Variants in IQCH observed in about 807,000 individuals in gnomAD.
IQCH encodes IQ domain-containing protein H.
Under a neutral mutation model 117.0 loss-of-function variants are expected in IQCH, and 98 were observed. The observed-to-expected ratio is 0.84, with a 90% CI of 0.71 to 0.99. The LOEUF is 0.99. Ranked by LOEUF, IQCH falls within the 50% of genes least tolerant of loss-of-function variation. The pLI is 0.00. For missense variants in IQCH, 1,102 were observed against 1,243.8 expected (o/e 0.89, Z 1.72); for synonymous variants, 412 against 448.2 (o/e 0.92, Z 1.02).
chr15:67,357,954 G>A (rs974803582), intron 7 of IQCH, among the ~76,000 whole-genome samples: 3 of 151,502 alleles, frequency 2.0e-5, no homozygotes, highest in Non-Finnish European at 4.4e-5. Context: ...TGCCTCCTGG[G>A]TTCAAGCGAT....
Position 67,381,593 on chromosome 15 carries a change from T to C in IQCH, c.1373-3343T>C, listed in dbSNP as rs1197064924. On this transcript the variant is annotated intron_variant, in intron 10 of 20. Transcript: ENST00000335894. The surrounding 1 kb of genome is among the most constrained non-coding windows in gnomAD (Gnocchi z 5.1). ...GCTACAAATCCCACTTACCATTCTT[T>C]GAATTCTCCAGAAGTTCTCCAGCTT... Among the ~76,000 whole-genome samples, 2 of 152,168 alleles carry C rather than the reference T, an allele frequency of 1.3e-5. No homozygotes were observed. The highest frequency in any genetic ancestry group is 4.8e-5 in the African/African-American group (2 of 41,432).
chr15:67,478,271 GCTAC>G (rs763569777), intron 18 of IQCH, among the ~76,000 whole-genome samples: 85 of 152,212 alleles, frequency 5.6e-4, no homozygotes, highest in Non-Finnish European at 1.1e-3. Flanking sequence ...TATAATCCCA[GCTAC>G]TCAGGAGGCT....
intron 1 of IQCH, 128 bp downstream of exon 1, chr15:67,255,075 AGGC>A: frequency 1.1e-6 from 1 of 927,906 alleles, no homozygotes; most frequent in Non-Finnish European, 1.7e-6. Flanking sequence ...AACTCGCGAG[AGGC>A]TCCCAAAAAT....
At chr15:67,486,280 C>T (rs772747123) in intron 18 of IQCH, among the ~76,000 whole-genome samples, 13 of 148,568 alleles carry the variant, frequency 8.8e-5, no homozygotes, top group Middle Eastern at 3.7e-3. Context: ...CCTCATGATC[C>T]GCCCGCCTCG....
rs768397828 is a variant in IQCH, at chr15:67,372,345, G to C, written c.988G>C (p.Glu330Gln). 20 of 1,614,046 alleles carry C rather than the reference G, an allele frequency of 1.2e-5. No individual in the cohort carries two copies. The highest frequency in any genetic ancestry group is 1.6e-4 in the Middle Eastern group (1 of 6,062). Residue 330 changes from glutamate (E) to glutamine (Q), a missense_variant, in exon 9 of 21, where the codon GAG becomes CAG. Coordinates refer to ENST00000335894, the MANE Select transcript of IQCH (RefSeq NM_001031715.3). ...GAATAATTTGGTGGCCCTCCTTCCA[G>C]AGTTTGAGCTGACGAATAAACTTAC... ...KGNNLVALLP[E>Q]FELTNKLTRY...
rs149496906 is a variant in IQCH at position 67,464,303 on chromosome 15, G to A, written c.2506-824G>A. On this transcript the variant is annotated intron_variant, in intron 16 of 20. Coordinates refer to ENST00000335894, the MANE Select transcript of IQCH (RefSeq NM_001031715.3). ...TAAGGTTGATCTGCCACAGGAGAGG[G>A]AAGAAGTAACACATGACCTACTTTT... 7.2e-4 allele frequency among the ~76,000 whole-genome samples: 109 copies of A among 152,336 alleles called. 1 individual carries two copies. The highest frequency in any genetic ancestry group is 3.4e-3 in the Middle Eastern group (1 of 294).
chr15:67,303,127 A>G (rs1397838574), intron 4 of IQCH, among the ~76,000 whole-genome samples: 3 of 152,194 alleles, frequency 2.0e-5, no homozygotes, highest in African/African-American at 7.2e-5. Context: ...AAGACACTTA[A>G]TTGAAAGGAA....
At position 67,371,185 on chromosome 15, in the gene IQCH, C is replaced by G. The variant is rs560774381; in HGVS notation, c.754-926C>G. Among the ~76,000 whole-genome samples the G allele has an allele frequency of 2.8e-4, 42 of 152,242 alleles. 2 individuals are homozygous for G. The South Asian group carries it at 8.7e-3, about 32-fold the overall frequency. Reference sequence around the variant, plus strand: ...CTGAAAATCTGTACCCTCCCTCTCCCCCAGCCCCTCCAAGCCATCAGGAAC... The same window carrying G: ...CTGAAAATCTGTACCCTCCCTCTCCGCCAGCCCCTCCAAGCCATCAGGAAC... On this transcript the variant is annotated intron_variant, in intron 8 of 20. Coordinates refer to ENST00000335894, the MANE Select transcript of IQCH (RefSeq NM_001031715.3).
intron 6 of IQCH, among the ~76,000 whole-genome samples, chr15:67,351,920 A>G (rs774788665): frequency 1.2e-4 from 18 of 152,156 alleles, no homozygotes; most frequent in Non-Finnish European, 1.8e-4. Flanking sequence ...AATCATTCTG[A>G]CCATCGTTAT....
At chr15:67,360,213 T>G (rs1970076361) in intron 8 of IQCH, 1 of 313,818 alleles carries the variant, frequency 3.2e-6, no homozygotes, top group African/African-American at 2.2e-5. Flanking sequence ...AAAAGTACAC[T>G]TAAAAAGAAA....
chr15:67,272,920 A>C (rs1965962484), intron 3 of IQCH, among the ~76,000 whole-genome samples: 1 of 152,096 alleles, frequency 6.6e-6, no homozygotes, highest in East Asian at 1.9e-4. Flanking sequence ...ATTCAGTCTT[A>C]TTATTGCTGA....
At chr15:67,304,310 A>T (rs1967195147) in intron 4 of IQCH, 1 of 1,199,292 alleles carries the variant, frequency 8.3e-7, no homozygotes, top group African/African-American at 1.5e-5. Flanking sequence ...TTCATCCAGC[A>T]TGAAAGTTTC....
chr15:67,281,491 G>A (rs955490607), intron 4 of IQCH: 5 of 336,908 alleles, frequency 1.5e-5, no homozygotes, highest in Non-Finnish European at 2.4e-5. Context: ...GGCAAAACAG[G>A]TTATAAGAGG....
intron 16 of IQCH, among the ~76,000 whole-genome samples, chr15:67,434,988 T>G (rs1357563778): frequency 2.0e-4 from 1 of 4,926 alleles, no homozygotes; most frequent in South Asian, 0.014. Flanking sequence ...TGTATCTTTG[T>G]TTTTTTTTTA....
chr15:67,316,930 G>A (rs1038978178), intron 4 of IQCH, among the ~76,000 whole-genome samples: 12 of 152,128 alleles, frequency 7.9e-5, no homozygotes, highest in Non-Finnish European at 1.5e-4. Flanking sequence ...AATGACCAAG[G>A]AATTCAATGA....
Position 67,355,575 on chromosome 15 carries a change from GCAAGTCTCCATCT to G in IQCH, c.638-1766_638-1754del, listed in dbSNP as rs766913461. Among the ~76,000 whole-genome samples the G allele has an allele frequency of 3.7e-4, 56 of 151,118 alleles. 1 individual carries two copies. In the East Asian group the frequency reaches 0.01, roughly 28 times the overall value. On this transcript the variant is annotated intron_variant, in intron 6 of 20. Coordinates refer to ENST00000335894, the MANE Select transcript of IQCH (RefSeq NM_001031715.3). Reference sequence around the variant, plus strand: ...ACTGCACTCCAGCCCGGGCGACAGAGCAAGTCTCCATCTCAAAAAAAAAAAAAAATTAGTAATA... The same window carrying G: ...ACTGCACTCCAGCCCGGGCGACAGAGCAAAAAAAAAAAAAAATTAGTAATA...
At position 67,387,858 on chromosome 15, in the gene IQCH, C is replaced by T. The variant is rs1369810141; in HGVS notation, c.1457-973C>T. Among the ~76,000 whole-genome samples, 3 of 152,164 alleles carry T rather than the reference C, an allele frequency of 2.0e-5. No individual in the cohort carries two copies. The highest frequency in any genetic ancestry group is 2.1e-4 in the South Asian group (1 of 4,828). Reference sequence around the variant, plus strand: ...TGCTCTGTATATATACTCTGCCAAACTGATCAGAGGAGTCTGAAGATCCTC... The same window carrying T: ...TGCTCTGTATATATACTCTGCCAAATTGATCAGAGGAGTCTGAAGATCCTC... On this transcript the variant is annotated intron_variant, in intron 11 of 20. Coordinates refer to ENST00000335894, the MANE Select transcript of IQCH (RefSeq NM_001031715.3). This position sits in a 1 kb window ranked among gnomAD's most constrained non-coding sequence, Gnocchi z 4.8.
chr15:67,448,186 C>A (rs2082433500), intron 16 of IQCH, among the ~76,000 whole-genome samples: 1 of 150,642 alleles, frequency 6.6e-6, no homozygotes, highest in African/African-American at 2.4e-5. Context: ...TGTGTAACAG[C>A]TTTAGTGAGA....
rs1477019249 is a variant in IQCH, at chr15:67,473,926, T to G, written c.2677-1770T>G. 6.6e-6 allele frequency among the ~76,000 whole-genome samples: 1 copy of G among 152,272 alleles called. No homozygotes were observed. The highest frequency in any genetic ancestry group is 3.4e-3 in the Middle Eastern group (1 of 294). On this transcript the variant is annotated intron_variant, in intron 17 of 20. Coordinates refer to ENST00000335894, the MANE Select transcript of IQCH (RefSeq NM_001031715.3). The surrounding 1 kb of genome is among the most constrained non-coding windows in gnomAD (Gnocchi z 4.9). ...CTCGTCTGTAGATGTGGACTCCACT[T>G]GCATTTAGGATGAGCAGCCTTAACT...
Sources: allele counts gnomAD v4.1 joint callset (sites outside exome capture counted in the v4.1 genomes callset), GRCh38; gene constraint gnomAD v4.1.1; non-coding constraint Gnocchi (gnomAD v3.1); transcripts MANE v1.5; gene names NCBI Gene and HGNC (gene_info 2026-07-23, HGNC 2026-07-21).